The following UNC13B variants were observed in gnomAD, a reference collection of about 807,000 sequenced individuals.
The protein encoded by UNC13B is protein unc-13 homolog B.
A neutral mutation model predicts 211.0 loss-of-function variants in UNC13B; 144 were observed. The ratio of observed to expected loss-of-function variants is 0.68; its 90% CI spans 0.60 to 0.78. UNC13B has a LOEUF of 0.78. Among genes scored for constraint, UNC13B ranks in the 30% least tolerant of loss-of-function variants. The pLI is 0.00. For synonymous variants in UNC13B, 709 were observed against 725.8 expected, an observed-to-expected ratio of 0.98 and a Z score of 0.37; for missense variants, 1,777 against 2,002.0, an observed-to-expected ratio of 0.89 and a Z score of 2.14.
intron 11 of UNC13B, among the ~76,000 whole-genome samples, chr9:35,336,383 T>G (rs1831659791): frequency 6.6e-6 from 1 of 152,210 alleles, no homozygotes; most frequent in Non-Finnish European, 1.5e-5. Flanking sequence ...GCCTCTTGCT[T>G]TAACATTTCC....
chr9:35,403,927 C>T lies in UNC13B; in HGVS notation c.12917C>T (p.Thr4306Ile). 1 of 1,614,186 alleles carries T rather than the reference C, an allele frequency of 6.2e-7. No homozygotes were observed. The highest frequency in any genetic ancestry group is 8.5e-7 in the Non-Finnish European group (1 of 1,180,034). ...GGCCGGAAGATCCATATGGATGAGA[C>T]AGGCCTGACCATTCTCCGGATTTTA... is the stretch of plus-strand genomic sequence containing the variant. Reference protein sequence around the residue: ...PLGRKIHMDETGLTILRILSQ... With the variant: ...PLGRKIHMDEIGLTILRILSQ... Residue 4306 changes from threonine to isoleucine, a missense_variant, in exon 40 of 40, where the codon ACA becomes ATA. By Grantham distance (89) the Thr-to-Ile change is moderately conservative (BLOSUM62 -1). Transcript: ENST00000635942.
intron 22 of UNC13B, chr9:35,385,362 T>C (rs750548): frequency 0.34 from 330,436 of 985,174 alleles, 57,260 homozygotes; most frequent in African/African-American, 0.54. Flanking sequence ...TAGATTGTAA[T>C]TTTCGAAGAA....
rs1455471168 is a variant in UNC13B, at chr9:35,390,112, A to G, written c.11222+139A>G. On this transcript the variant is annotated intron_variant, in intron 25 of 39. Transcript: ENST00000635942. The stretch of plus-strand genomic sequence containing the variant: ...ATCCATCTGTCCCTCTGTCCCTTGT[A>G]TCTGTCTGGGTAACTGTTTCTGGAG... 1.0e-5 allele frequency: 15 copies of G among 1,464,438 alleles called. No homozygotes were observed. The East Asian group carries it at 2.3e-4, about 22-fold the overall frequency. 90.7% of individuals were successfully genotyped at this position (1,464,438 alleles called of 1,614,324 possible).
intron 9 of UNC13B, 98 bp from the exon 10 acceptor site, chr9:35,310,369 G>C: frequency 7.8e-7 from 1 of 1,282,418 alleles, no homozygotes; most frequent in Non-Finnish European, 1.1e-6. Context: ...TTTGATTCTT[G>C]CTACTAATGT....
chr9:35,353,842 G>T, intron 11 of UNC13B: 4 of 1,220,164 alleles, frequency 3.3e-6, no homozygotes, highest in Non-Finnish European at 4.1e-6. Flanking sequence ...CAGGGTCCCA[G>T]CTGGCTAAAG....
At chr9:35,251,938 G>T (rs749325933) in intron 6 of UNC13B, among the ~76,000 whole-genome samples, 1 of 151,842 alleles carries the variant, frequency 6.6e-6, no homozygotes, top group Non-Finnish European at 1.5e-5. Context: ...CGATCTGCCC[G>T]CCTTGGCCTC....
chr9:35,254,126 C>T (rs1826675558), intron 6 of UNC13B, among the ~76,000 whole-genome samples: 1 of 152,012 alleles, frequency 6.6e-6, no homozygotes, highest in Admixed American at 6.6e-5. Context: ...AGATCCCTAC[C>T]CTCATGGATC....
chr9:35,257,382 A>G (rs1179296805), intron 6 of UNC13B, among the ~76,000 whole-genome samples: 2 of 142,540 alleles, frequency 1.4e-5, no homozygotes, highest in African/African-American at 5.1e-5. Flanking sequence ...AAATATTTAT[A>G]TAAATATTTA....
chr9:35,356,420 C>T (rs1833025076), intron 11 of UNC13B, among the ~76,000 whole-genome samples: 1 of 152,052 alleles, frequency 6.6e-6, no homozygotes, highest in Non-Finnish European at 1.5e-5. Context: ...TAAGTACTCT[C>T]ATGTGCATTG....
chr9:35,230,564 A>C (rs894747209), intron 2 of UNC13B, among the ~76,000 whole-genome samples: 1 of 151,420 alleles, frequency 6.6e-6, no homozygotes, highest in East Asian at 1.9e-4. Flanking sequence ...TTTCTTTGTG[A>C]AGATTTTTCC....
At chr9:35,402,282 CTT>C (rs1168729927) in intron 37 of UNC13B, among the ~76,000 whole-genome samples, 20 of 136,808 alleles carry the variant, frequency 1.5e-4, no homozygotes, top group Non-Finnish European at 1.6e-4. Flanking sequence ...TTCTTTTTTT[CTT>C]TTTTTTTTTT....
intron 3 of UNC13B, among the ~76,000 whole-genome samples, 154 bp downstream of exon 3, chr9:35,231,373 G>C (rs533631483): frequency 6.6e-6 from 1 of 152,316 alleles, no homozygotes; most frequent in Non-Finnish European, 1.5e-5. Context: ...TGGAGTTATA[G>C]AAATAAGTGA....
chr9:35,334,722 G>A (rs1457434065), intron 11 of UNC13B, among the ~76,000 whole-genome samples: 1 of 152,182 alleles, frequency 6.6e-6, no homozygotes, highest in Non-Finnish European at 1.5e-5. Flanking sequence ...ACTCAGCAAA[G>A]ATTTATGGAA....
chr9:35,245,112 T>G (rs940946581), intron 6 of UNC13B, among the ~76,000 whole-genome samples: 14 of 152,130 alleles, frequency 9.2e-5, no homozygotes, highest in Non-Finnish European at 1.8e-4. Context: ...TGGAGTGGTA[T>G]TCAGCCTTTC....
At chr9:35,212,939 T>G (rs1245161053) in intron 1 of UNC13B, among the ~76,000 whole-genome samples, 1 of 152,210 alleles carries the variant, frequency 6.6e-6, no homozygotes, top group Non-Finnish European at 1.5e-5. Flanking sequence ...GTTCCAGACC[T>G]TGAGCTGTGG....
chr9:35,342,331 G>A, intron 11 of UNC13B: 1 of 985,364 alleles, frequency 1.0e-6, no homozygotes, highest in Non-Finnish European at 1.2e-6. Context: ...CCTTATTTTG[G>A]TTGCAGCAGC....
rs531203579 is a variant in UNC13B at position 35,402,299 on chromosome 9, T to G, written c.12485-868T>G. The stretch of plus-strand genomic sequence containing the variant: ...CTTTTTTTCTTTTTTTTTTTTTTTT[T>G]GAGACGGAGTCTCGCTCTGTCGCCC... On this transcript the variant is annotated intron_variant, in intron 37 of 39. Transcript: ENST00000635942. 3.2e-3 allele frequency among the ~76,000 whole-genome samples: 483 copies of G among 150,458 alleles called. 2 individuals carry two copies. The highest frequency in any genetic ancestry group is 0.011 in the African/African-American group (470 of 41,060).
At chr9:35,329,118 T>C (rs907979639) in intron 11 of UNC13B, among the ~76,000 whole-genome samples, 7 of 152,096 alleles carry the variant, frequency 4.6e-5, no homozygotes, top group African/African-American at 1.7e-4. Flanking sequence ...CTGATACCAC[T>C]GAGTTCCTGA....
intron 1 of UNC13B, among the ~76,000 whole-genome samples, chr9:35,180,928 T>TAAA (rs11427601): frequency 6.2e-4 from 87 of 140,968 alleles, no homozygotes; most frequent in Non-Finnish European, 6.1e-4. Flanking sequence ...ACCCTGTCTT[T>TAAA]AAAAAAAAAA....
Sources: gnomAD v4.1 joint callset for allele counts (sites outside exome capture counted in the v4.1 genomes callset) on GRCh38, gnomAD v4.1.1 for gene constraint, MANE v1.5 for transcripts, NCBI Gene and HGNC (gene_info 2026-07-23, HGNC 2026-07-21) for gene names.